Variants in TMCC1 observed in about 807,000 individuals in gnomAD.
The protein encoded by TMCC1 is transmembrane and coiled-coil domain family 1.
A neutral mutation model predicts 52.4 loss-of-function variants in TMCC1; 15 were observed. The observed-to-expected ratio is 0.29, with a 90% CI of 0.19 to 0.44. The LOEUF (loss-of-function observed/expected upper bound fraction) is 0.44, where lower values mean the gene tolerates loss of function less well. TMCC1 is among the 20% of genes least tolerant of loss of function. TMCC1 has a pLI of 1.00. For missense variants in TMCC1, 503 were observed against 806.0 expected (o/e 0.62, Z 4.55); for synonymous variants, 279 against 301.9 (o/e 0.92, Z 0.79).
intron 4 of TMCC1, among the ~76,000 whole-genome samples, chr3:129,697,843 T>C (rs2047525686): frequency 6.6e-6 from 1 of 152,148 alleles, no homozygotes; most frequent in African/African-American, 2.4e-5. Flanking sequence ...TCTGAGACCA[T>C]CGCAGCCCGG....
intron 4 of TMCC1, chr3:129,688,668 C>T (rs2089589168): frequency 2.0e-6 from 2 of 985,320 alleles, no homozygotes; most frequent in Non-Finnish European, 2.4e-6. Context: ...AAACAGAAAG[C>T]TTCTGCCAAA....
chr3:129,878,674 C>T (rs949192926), intron 2 of TMCC1, among the ~76,000 whole-genome samples: 8 of 152,182 alleles, frequency 5.3e-5, no homozygotes, highest in Admixed American at 5.2e-4. Flanking sequence ...TGTCACCCTG[C>T]CCAAACGCTC....
chr3:129,737,915 G>A (rs1214086700), intron 4 of TMCC1, among the ~76,000 whole-genome samples: 1 of 152,120 alleles, frequency 6.6e-6, no homozygotes, highest in African/African-American at 2.4e-5. Context: ...TGGCCTATGA[G>A]TCACATGTCT....
intron 4 of TMCC1, among the ~76,000 whole-genome samples, chr3:129,778,276 C>T (rs758658987): frequency 6.6e-6 from 1 of 152,098 alleles, no homozygotes; most frequent in Non-Finnish European, 1.5e-5. Flanking sequence ...TATTAATAGA[C>T]AAGGGTCTGC....
chr3:129,690,217 C>T (rs1297314788), intron 4 of TMCC1, among the ~76,000 whole-genome samples: 2 of 152,010 alleles, frequency 1.3e-5, no homozygotes, highest in Admixed American at 6.6e-5. Context: ...TAAGAGAATC[C>T]ATATTTTTTG....
intron 2 of TMCC1, among the ~76,000 whole-genome samples, chr3:129,875,514 A>C (rs985010218): frequency 6.7e-5 from 10 of 150,344 alleles, no homozygotes; most frequent in South Asian, 2.1e-4. Context: ...AAAAAAAAAA[A>C]AACAACACAA....
chr3:129,705,913 C>A (rs1338497347), intron 4 of TMCC1, among the ~76,000 whole-genome samples: 9 of 115,438 alleles, frequency 7.8e-5, no homozygotes, highest in African/African-American at 3.1e-4. Context: ...TTTTTTGAGA[C>A]AAAGTCTCAC....
chr3:129,803,959 A>C (rs1302639787), intron 4 of TMCC1, among the ~76,000 whole-genome samples: 1 of 152,204 alleles, frequency 6.6e-6, no homozygotes, highest in Non-Finnish European at 1.5e-5. Flanking sequence ...TATATGTCTA[A>C]GGTTTTGTTC....
intron 4 of TMCC1, among the ~76,000 whole-genome samples, chr3:129,785,779 G>A (rs994534727): frequency 2.0e-5 from 3 of 152,082 alleles, no homozygotes; most frequent in African/African-American, 7.2e-5. Context: ...ACTTAGAAGA[G>A]AGTTTCCTAG....
Position 129,806,933 on chromosome 3 carries a change from C to T in TMCC1, c.576+20870G>A, listed in dbSNP as rs530535183. Among the ~76,000 whole-genome samples the T allele has an allele frequency of 8.6e-5, 13 of 151,822 alleles. No homozygotes were observed. In the East Asian group the frequency reaches 1.7e-3, roughly 20 times the overall value. On this transcript the variant is annotated intron_variant, in intron 4 of 6. Transcript: ENST00000393238. Reference sequence around the variant, plus strand: ...GAACAAAGGAAAAAAAACCACTAAACGGTAAGTCAGGAGAGCTAACTGCTA... The same window carrying T: ...GAACAAAGGAAAAAAAACCACTAAATGGTAAGTCAGGAGAGCTAACTGCTA...
At chr3:129,785,178 A>G (rs1395223778) in intron 4 of TMCC1, among the ~76,000 whole-genome samples, 1 of 152,162 alleles carries the variant, frequency 6.6e-6, no homozygotes, top group Non-Finnish European at 1.5e-5. Context: ...ATGTTCATGC[A>G]AAGGACGTGC....
chr3:129,802,013 G>A (rs1328772517), intron 4 of TMCC1, among the ~76,000 whole-genome samples: 1 of 152,160 alleles, frequency 6.6e-6, no homozygotes, highest in African/African-American at 2.4e-5. Context: ...TTGAAGGATT[G>A]CATCTTATAC....
At chr3:129,721,903 C>T (rs912104708) in intron 4 of TMCC1, among the ~76,000 whole-genome samples, 2 of 151,522 alleles carry the variant, frequency 1.3e-5, no homozygotes, top group Non-Finnish European at 2.9e-5. Context: ...AAACACAAAG[C>T]GTGTGCAATC....
chr3:129,803,438 A>C (rs983694506), intron 4 of TMCC1, among the ~76,000 whole-genome samples: 2 of 152,242 alleles, frequency 1.3e-5, no homozygotes, highest in Admixed American at 6.5e-5. Context: ...GTTTCACAAT[A>C]ATATGAATAC....
intron 2 of TMCC1, among the ~76,000 whole-genome samples, chr3:129,872,984 C>T (rs193205435): frequency 5.7e-4 from 85 of 150,146 alleles, no homozygotes; most frequent in African/African-American, 2.0e-3. Context: ...GTGGCACAAT[C>T]TCGGCTCACT....
intron 4 of TMCC1, chr3:129,818,910 A>G (rs2058267231): frequency 6.5e-6 from 1 of 152,736 alleles, no homozygotes. Context: ...CTCTAACACC[A>G]ATTTAAAAAG....
At chr3:129,664,941 A>G (rs765516820) in intron 5 of TMCC1, among the ~76,000 whole-genome samples, 5 of 152,240 alleles carry the variant, frequency 3.3e-5, no homozygotes, top group Non-Finnish European at 7.3e-5. Flanking sequence ...TCAACTGTAA[A>G]TAAGATTAAT....
At chr3:129,693,262 T>C (rs2047155954) in intron 4 of TMCC1, among the ~76,000 whole-genome samples, 1 of 152,166 alleles carries the variant, frequency 6.6e-6, no homozygotes, top group African/African-American at 2.4e-5. Flanking sequence ...GAGAGCACAA[T>C]AATTCTCTGG....
chr3:129,697,514 T>G (rs1054687681), intron 4 of TMCC1, among the ~76,000 whole-genome samples: 1 of 152,208 alleles, frequency 6.6e-6, no homozygotes, highest in African/African-American at 2.4e-5. Context: ...TGGAGACATT[T>G]TCCCCATTGT....
Sources: gnomAD v4.1 joint callset for allele counts (sites outside exome capture counted in the v4.1 genomes callset) on GRCh38, gnomAD v4.1.1 for gene constraint, MANE v1.5 for transcripts, NCBI Gene and HGNC (gene_info 2026-07-23, HGNC 2026-07-21) for gene names.